TJP1: variants seen among roughly 807,000 people sequenced by gnomAD.
TJP1 encodes the protein tight junction protein 1.
TJP1 carries 43 observed loss-of-function variants against 194.2 expected under a neutral mutation model. That is an observed-to-expected ratio of 0.22 (90% CI 0.17 to 0.29). The LOEUF is 0.29. TJP1 is among the 10% of genes least tolerant of loss of function. The pLI, the probability that TJP1 is intolerant of heterozygous loss-of-function variation, is 1.00. For synonymous variants in TJP1, 801 were observed against 779.0 expected, an observed-to-expected ratio of 1.03 and a Z score of -0.47; for missense variants, 1,971 against 2,185.7, an observed-to-expected ratio of 0.90 and a Z score of 1.96.
At chr15:29,818,912 G>C (rs917331266) in intron 1 of TJP1, among the ~76,000 whole-genome samples, 1 of 151,806 alleles carries the variant, frequency 6.6e-6, no homozygotes, top group African/African-American at 2.4e-5. Context: ...CCGCCTTCCA[G>C]GTTCAAGCAA....
rs1470825478 is a variant in TJP1 at position 29,910,619 on chromosome 15, T to C, written c.306+45613A>G. Among the ~76,000 whole-genome samples the C allele has an allele frequency of 2.0e-5, 3 of 152,372 alleles. No individual in the cohort carries two copies. The East Asian group carries it at 5.8e-4, about 29-fold the overall frequency. On this transcript the variant is annotated intron_variant, in intron 2 of 28. Coordinates refer to the TJP1 transcript ENST00000356107. The stretch of plus-strand genomic sequence containing the variant: ...CATTAAAGTTGAAAGTAATTATATT[T>C]GTGGTTTAGCTCTAACAACTGCACT...
intron 1 of TJP1, chr15:29,968,122 G>A (rs752021132): frequency 6.3e-5 from 62 of 985,316 alleles, no homozygotes; most frequent in Non-Finnish European, 7.1e-5. Flanking sequence ...TTCCAGGTCG[G>A]AGGAACTGGA....
chr15:29,900,299 G>A (rs934197813), intron 2 of TJP1, among the ~76,000 whole-genome samples: 2 of 152,182 alleles, frequency 1.3e-5, no homozygotes, highest in Non-Finnish European at 2.9e-5. Context: ...CCTTCCTTTG[G>A]CTTTGACTGA....
At chr15:29,968,428 G>A in intron 1 of TJP1, 3 of 983,346 alleles carry the variant, frequency 3.1e-6, no homozygotes, top group Non-Finnish European at 3.6e-6. Context: ...CGCGCCGCGG[G>A]CACAGCGAGG....
chr15:29,812,012 C>T (rs2049556171), intron 1 of TJP1, among the ~76,000 whole-genome samples: 1 of 152,222 alleles, frequency 6.6e-6, no homozygotes, highest in South Asian at 2.1e-4. Context: ...GAAGACACAG[C>T]TAACATAATA....
At chr15:29,939,709 G>A (rs1417708884) in intron 2 of TJP1, among the ~76,000 whole-genome samples, 2 of 152,192 alleles carry the variant, frequency 1.3e-5, no homozygotes, top group Non-Finnish European at 2.9e-5. Context: ...GCCTTTGGGA[G>A]GTGATTAGGT....
At chr15:29,952,458 T>C (rs933516451) in intron 2 of TJP1, among the ~76,000 whole-genome samples, 4 of 151,138 alleles carry the variant, frequency 2.6e-5, no homozygotes, top group South Asian at 2.1e-4. Context: ...TCCCCAGGAG[T>C]GAAATGGCAT....
intron 2 of TJP1, among the ~76,000 whole-genome samples, chr15:29,917,653 G>A (rs1053727340): frequency 1.5e-4 from 23 of 152,066 alleles, no homozygotes; most frequent in Admixed American, 6.6e-5. Flanking sequence ...GTGGGTGTAG[G>A]GCTGAGAACA....
Position 29,762,457 on chromosome 15 carries a change from G to A in TJP1, c.590-19C>T, listed in dbSNP as rs770053445. 6.3e-7 allele frequency: 1 copy of A among 1,588,774 alleles called. No individual in the cohort carries two copies. ...CCATATTCTGAAATAATGTAAGTAA[G>A]TGTTTTTAGTATAACATCCTAAGAC... On this transcript the variant is annotated intron_variant, in intron 5 of 27. Transcript: ENST00000614355.
chr15:29,704,560 G>A lies in TJP1; in HGVS notation c.5069-255C>T, dbSNP rs952641459. Among the ~76,000 whole-genome samples the A allele has an allele frequency of 8.5e-5, 13 of 152,198 alleles. No homozygotes were observed. In the East Asian group the frequency reaches 1.7e-3, roughly 20 times the overall value. ...TTTTAATATTTTAACTCAATATAAC[G>A]AAAACACTGTTATTTCAACATGTAA... On this transcript the variant is annotated intron_variant, in intron 26 of 27. Coordinates refer to ENST00000614355, the MANE Select transcript of TJP1 (RefSeq NM_001330239.4).
intron 2 of TJP1, among the ~76,000 whole-genome samples, chr15:29,781,775 T>C (rs1286254740): frequency 6.6e-6 from 1 of 152,172 alleles, no homozygotes; most frequent in Admixed American, 6.6e-5. Flanking sequence ...CCCTTCATCT[T>C]AAGAACTCTC....
intron 2 of TJP1, among the ~76,000 whole-genome samples, chr15:29,793,224 A>G (rs999695499): frequency 1.3e-5 from 2 of 152,026 alleles, no homozygotes; most frequent in Non-Finnish European, 2.9e-5. Flanking sequence ...CCCCCTCATG[A>G]TACTAGCTGT....
At chr15:29,943,817 G>A (rs1323447911) in intron 2 of TJP1, among the ~76,000 whole-genome samples, 13 of 150,564 alleles carry the variant, frequency 8.6e-5, no homozygotes, top group African/African-American at 2.2e-4. Flanking sequence ...GTATGGTGGC[G>A]CGCGCCTGTA....
intron 12 of TJP1, among the ~76,000 whole-genome samples, chr15:29,733,973 T>C (rs2043843782): frequency 6.6e-6 from 1 of 152,172 alleles, no homozygotes; most frequent in Admixed American, 6.5e-5. Context: ...TGCTCATATA[T>C]ACTTTTGTAT....
At chr15:29,772,281 T>A in intron 3 of TJP1, 115 bp from the exon 4 acceptor site, 1 of 606,042 alleles carries the variant, frequency 1.7e-6, no homozygotes, top group Non-Finnish European at 2.8e-6. Flanking sequence ...GCCAATTAAT[T>A]AATTTCTCTT....
intron 2 of TJP1, among the ~76,000 whole-genome samples, chr15:29,780,762 G>A (rs978141112): frequency 1.3e-5 from 2 of 152,034 alleles, no homozygotes; most frequent in Non-Finnish European, 2.9e-5. Context: ...GGAAGAATTC[G>A]AGACCAAATC....
At chr15:29,867,363 AC>A (rs1482251860) in intron 2 of TJP1, among the ~76,000 whole-genome samples, 6 of 152,188 alleles carry the variant, frequency 3.9e-5, no homozygotes, top group Non-Finnish European at 7.3e-5. Flanking sequence ...CAAGGGCAAA[AC>A]AGTAAAACTG....
chr15:29,946,306 G>T (rs553826250), intron 2 of TJP1, among the ~76,000 whole-genome samples: 1 of 152,260 alleles, frequency 6.6e-6, no homozygotes, highest in Non-Finnish European at 1.5e-5. Context: ...AGACGTGGCT[G>T]ATTTGGGCAG....
At chr15:29,933,912 G>A (rs2054801862) in intron 2 of TJP1, among the ~76,000 whole-genome samples, 1 of 152,168 alleles carries the variant, frequency 6.6e-6, no homozygotes, top group African/African-American at 2.4e-5. Context: ...GAGGACAGGA[G>A]AAACCTCTGG....
Sources: gnomAD v4.1 joint callset for allele counts (sites outside exome capture counted in the v4.1 genomes callset) on GRCh38, gnomAD v4.1.1 for gene constraint, MANE v1.5 for transcripts, NCBI Gene and HGNC (gene_info 2026-07-23, HGNC 2026-07-21) for gene names.